Variants in RNF6 observed in about 807,000 individuals in gnomAD.
RNF6 encodes the protein ring finger protein 6.
RNF6 carries 21 observed loss-of-function variants against 50.1 expected under a neutral mutation model. The observed-to-expected ratio is 0.42, with a 90% CI of 0.30 to 0.60. The LOEUF is 0.60. Among genes scored for constraint, RNF6 ranks in the 20% least tolerant of loss-of-function variants. The pLI, the probability that RNF6 is intolerant of heterozygous loss-of-function variation, is 0.20. For missense variants in RNF6, 698 were observed against 838.2 expected (o/e 0.83, Z 2.07); for synonymous variants, 255 against 291.8 (o/e 0.87, Z 1.29).
chr13:26,207,206 T>G (rs1244193764), intron 5 of RNF6, among the ~76,000 whole-genome samples: 1 of 150,904 alleles, frequency 6.6e-6, no homozygotes, highest in African/African-American at 2.4e-5. Context: ...GAAAGGCCAT[T>G]TTAGGAAGAG....
At chr13:26,193,105 T>C (rs941773986) in intron 5 of RNF6, among the ~76,000 whole-genome samples, 7 of 152,264 alleles carry the variant, frequency 4.6e-5, no homozygotes, top group Non-Finnish European at 8.8e-5. Context: ...CATACTAAGT[T>C]TGGGTGCCTA....
At chr13:26,183,557 C>A (rs1338932052) in intron 5 of RNF6, among the ~76,000 whole-genome samples, 1 of 152,144 alleles carries the variant, frequency 6.6e-6, no homozygotes, top group Non-Finnish European at 1.5e-5. Flanking sequence ...TGCGTATATC[C>A]ATAGTAGATT....
intron 5 of RNF6, among the ~76,000 whole-genome samples, chr13:26,188,623 CTTTTTTT>C (rs1163881143): frequency 9.2e-5 from 4 of 43,272 alleles, no homozygotes; most frequent in Non-Finnish European, 1.6e-4. Context: ...GTCAAAAGAG[CTTTTTTT>C]TTTTTTTTTT....
intron 5 of RNF6, among the ~76,000 whole-genome samples, chr13:26,151,546 A>C (rs1217014533): frequency 6.6e-6 from 1 of 151,568 alleles, no homozygotes; most frequent in Non-Finnish European, 1.5e-5. Flanking sequence ...TATAGGCGCG[A>C]GCCACCGCGC....
chr13:26,151,614 TTTTTTTC>T (rs1378094268), intron 5 of RNF6, among the ~76,000 whole-genome samples: 2 of 37,354 alleles, frequency 5.4e-5, no homozygotes, highest in Admixed American at 4.0e-4. Flanking sequence ...CCTTTTTTTC[TTTTTTTC>T]TTTTTTTTTT....
At chr13:26,204,093 C>A (rs1384465174) in intron 5 of RNF6, among the ~76,000 whole-genome samples, 1 of 152,168 alleles carries the variant, frequency 6.6e-6, no homozygotes, top group Non-Finnish European at 1.5e-5. Context: ...CCCGCTCCCT[C>A]CGCCTTTATC....
chr13:26,186,764 C>G (rs1280182370), intron 5 of RNF6, among the ~76,000 whole-genome samples: 1 of 83,996 alleles, frequency 1.2e-5, no homozygotes, highest in African/African-American at 4.7e-5. Context: ...CGTCAGGGAC[C>G]TTTCTTCTTC....
In RNF6 at chr13:26,156,574, A is replaced by T. The variant is rs1251799928; in HGVS notation, n.769-24123T>A. Reference sequence around the variant, plus strand: ...GTACCCTTAATAGAGAAGAATAAACATTCTTTCAAACATGGAAAACTTACA... The same window carrying T: ...GTACCCTTAATAGAGAAGAATAAACTTTCTTTCAAACATGGAAAACTTACA... On this transcript the variant is annotated intron_variant and non_coding_transcript_variant, in intron 5 of 5. Transcript: ENST00000468480. Among the ~76,000 whole-genome samples the T allele has an allele frequency of 7.9e-5, 12 of 152,358 alleles. No individual in the cohort carries two copies. The East Asian group carries it at 2.3e-3, about 29-fold the overall frequency.
chr13:26,185,792 A>T (rs1299091481), intron 5 of RNF6, among the ~76,000 whole-genome samples: 1 of 152,254 alleles, frequency 6.6e-6, no homozygotes, highest in Admixed American at 6.5e-5. Flanking sequence ...ACAGAAGTGT[A>T]GAGGCCATGA....
At chr13:26,135,561 G>A (rs559956023) in intron 5 of RNF6, 2 of 152,270 alleles carry the variant, frequency 1.3e-5, no homozygotes, top group Middle Eastern at 3.4e-3. Flanking sequence ...ATCCAGATTA[G>A]CTGTTGCTAT....
chr13:26,156,747 C>T (rs1207994535), intron 5 of RNF6, among the ~76,000 whole-genome samples: 1 of 152,172 alleles, frequency 6.6e-6, no homozygotes, highest in Non-Finnish European at 1.5e-5. Flanking sequence ...GTATCAGATT[C>T]TCTCATTTTT....
chr13:26,151,014 C>T (rs1372884594), intron 5 of RNF6: 1 of 152,148 alleles, frequency 6.6e-6, no homozygotes, highest in African/African-American at 2.4e-5. Context: ...AGTGACATGG[C>T]TCAGGGCATG....
intron 5 of RNF6, among the ~76,000 whole-genome samples, chr13:26,145,433 G>A (rs1366532092): frequency 7.4e-6 from 1 of 135,880 alleles, no homozygotes; most frequent in South Asian, 2.5e-4. Context: ...CTAGTAGGAG[G>A]TGACTGAATC....
At chr13:26,152,534 A>AG (rs1871675830) in intron 5 of RNF6, among the ~76,000 whole-genome samples, 1 of 152,222 alleles carries the variant, frequency 6.6e-6, no homozygotes, top group Admixed American at 6.5e-5. Context: ...CGAGCTTTCC[A>AG]GGGGCAGGCA....
intron 5 of RNF6, among the ~76,000 whole-genome samples, chr13:26,138,261 C>T (rs1178545129): frequency 4.6e-5 from 7 of 152,042 alleles, no homozygotes; most frequent in African/African-American, 1.7e-4. Context: ...TAAAACTGTC[C>T]TTCAAAAATG....
chr13:26,171,049 T>C (rs1157597226), intron 5 of RNF6, among the ~76,000 whole-genome samples: 1 of 152,048 alleles, frequency 6.6e-6, no homozygotes, highest in Non-Finnish European at 1.5e-5. Flanking sequence ...CAAGAGAAAA[T>C]AGATACACAG....
At chr13:26,156,696 A>G (rs1871941274) in intron 5 of RNF6, among the ~76,000 whole-genome samples, 1 of 152,218 alleles carries the variant, frequency 6.6e-6, no homozygotes, top group Admixed American at 6.5e-5. Flanking sequence ...GAACTAAATA[A>G]CTGAAATAAA....
intron 5 of RNF6, among the ~76,000 whole-genome samples, chr13:26,167,799 A>G (rs1566417354): frequency 6.6e-6 from 1 of 152,248 alleles, no homozygotes; most frequent in Non-Finnish European, 1.5e-5. Context: ...GAATCAACCT[A>G]AATGCCCGTC....
intron 5 of RNF6, among the ~76,000 whole-genome samples, chr13:26,188,623 C>CTTTTT (rs1163881143): frequency 0.019 from 812 of 43,272 alleles, 175 homozygotes; most frequent in Non-Finnish European, 0.021. Flanking sequence ...GTCAAAAGAG[C>CTTTTT]TTTTTTTTTT....
Sources: gnomAD v4.1 joint callset for allele counts (sites outside exome capture counted in the v4.1 genomes callset) on GRCh38, gnomAD v4.1.1 for gene constraint, MANE v1.5 for transcripts, NCBI Gene and HGNC (gene_info 2026-07-23, HGNC 2026-07-21) for gene names.